SEMA3A: variants seen among roughly 807,000 people sequenced by gnomAD.
SEMA3A encodes the protein semaphorin 3A, also known as semaphorin-3A.
A neutral mutation model predicts 97.9 loss-of-function variants in SEMA3A; 29 were observed. That is an observed-to-expected ratio of 0.30 (90% CI 0.22 to 0.40). SEMA3A has a LOEUF of 0.40. SEMA3A is among the 10% of genes least tolerant of loss of function. The pLI is 1.00. For synonymous variants in SEMA3A, 321 were observed against 323.7 expected, an observed-to-expected ratio of 0.99 and a Z score of 0.09; for missense variants, 763 against 951.3, an observed-to-expected ratio of 0.80 and a Z score of 2.60.
intron 2 of SEMA3A, among the ~76,000 whole-genome samples, chr7:84,351,604 C>T (rs879271616): frequency 2.0e-5 from 3 of 151,714 alleles, no homozygotes; most frequent in Middle Eastern, 3.4e-3. Flanking sequence ...AAATGGTAAA[C>T]GTGTATATGA....
chr7:84,433,077 T>C (rs1480336235), intron 1 of SEMA3A, among the ~76,000 whole-genome samples: 1 of 151,744 alleles, frequency 6.6e-6, no homozygotes, highest in East Asian at 1.9e-4. Context: ...ACTTTATTAT[T>C]ATTATTATTA....
At chr7:84,068,167 G>A (rs12707607) in intron 4 of SEMA3A, among the ~76,000 whole-genome samples, 44,495 of 136,464 alleles carry the variant, frequency 0.33, 7,565 homozygotes, top group East Asian at 0.48. Flanking sequence ...GTAAACTATC[G>A]CAAGAACAAA....
At chr7:84,278,307 C>T (rs1800361081) in intron 3 of SEMA3A, among the ~76,000 whole-genome samples, 1 of 152,088 alleles carries the variant, frequency 6.6e-6, no homozygotes, top group African/African-American at 2.4e-5. Context: ...TCACTATCAG[C>T]ATCTGGGTTA....
chr7:83,979,258 C>T (rs550415274), intron 14 of SEMA3A, among the ~76,000 whole-genome samples: 2 of 151,972 alleles, frequency 1.3e-5, no homozygotes, highest in Admixed American at 6.6e-5. Context: ...CTCAGCCTCC[C>T]AAATAGCTGG....
At chr7:83,971,531 T>C (rs566555416) in intron 15 of SEMA3A, among the ~76,000 whole-genome samples, 1 of 152,276 alleles carries the variant, frequency 6.6e-6, no homozygotes, top group East Asian at 1.9e-4. Flanking sequence ...AGTGATTTTG[T>C]TTACTTTTTG....
intron 3 of SEMA3A, among the ~76,000 whole-genome samples, chr7:84,274,637 T>C (rs1800246463): frequency 6.6e-6 from 1 of 152,096 alleles, no homozygotes; most frequent in Non-Finnish European, 1.5e-5. Flanking sequence ...TCTAAAATTA[T>C]GTAAATGTAC....
At chr7:84,191,097 G>C (rs35276675) in intron 1 of SEMA3A, among the ~76,000 whole-genome samples, 2 of 149,878 alleles carry the variant, frequency 1.3e-5, no homozygotes, top group Admixed American at 6.7e-5. Context: ...TTGAACAAAA[G>C]GTAAAGAACT....
chr7:84,030,550 C>G (rs989318254), intron 6 of SEMA3A, among the ~76,000 whole-genome samples: 1 of 152,072 alleles, frequency 6.6e-6, no homozygotes, highest in Non-Finnish European at 1.5e-5. Context: ...AGAAAATATA[C>G]CAATTCTTCC....
chr7:84,317,177 C>A (rs558684443), intron 2 of SEMA3A, among the ~76,000 whole-genome samples: 1 of 152,124 alleles, frequency 6.6e-6, no homozygotes, highest in Non-Finnish European at 1.5e-5. Flanking sequence ...TATACAGATT[C>A]TTTCCTTGGA....
intron 6 of SEMA3A, among the ~76,000 whole-genome samples, chr7:84,020,035 C>CTTTTTTTTTTTTTTTTTTT (rs781108685): frequency 5.2e-5 from 3 of 58,252 alleles, no homozygotes; most frequent in African/African-American, 6.7e-5. Flanking sequence ...TTTTTTCTTT[C>CTTTTTTTTTTTTTTTTTTT]TTTTTTTTTT....
At chr7:84,393,301 C>T (rs1830488183) in intron 1 of SEMA3A, among the ~76,000 whole-genome samples, 1 of 152,016 alleles carries the variant, frequency 6.6e-6, no homozygotes. Context: ...ATTGAAGAGT[C>T]TTTTTTCCAT....
intron 3 of SEMA3A, among the ~76,000 whole-genome samples, chr7:84,204,963 A>C (rs1798452479): frequency 6.6e-6 from 1 of 152,160 alleles, no homozygotes; most frequent in African/African-American, 2.4e-5. Context: ...GCACAGAAAG[A>C]ATCGTATCTT....
At chr7:84,224,673 A>G (rs1197359927) in intron 3 of SEMA3A, among the ~76,000 whole-genome samples, 1 of 152,046 alleles carries the variant, frequency 6.6e-6, no homozygotes, top group Non-Finnish European at 1.5e-5. Context: ...AGACACCTTG[A>G]GCACCCTTTC....
Position 84,218,122 on chromosome 7 carries a change from A to G in SEMA3A, c.-82-23454T>C, listed in dbSNP as rs1798792126. 3.3e-5 allele frequency among the ~76,000 whole-genome samples: 5 copies of G among 152,214 alleles called. No individual in the cohort carries two copies. The South Asian group carries it at 1.0e-3, about 32-fold the overall frequency. On this transcript the variant is annotated intron_variant, in intron 3 of 3. Transcript: ENST00000424555. The stretch of plus-strand genomic sequence containing the variant: ...CTTGAGAAAAAATCTTAAATGTTAC[A>G]TTTGTATAGTAGAATTTCAGATAAA...
chr7:84,220,628 C>CA (rs1798854290), intron 3 of SEMA3A, among the ~76,000 whole-genome samples: 2 of 152,272 alleles, frequency 1.3e-5, no homozygotes, highest in African/African-American at 4.8e-5. Flanking sequence ...ATGAAAACAA[C>CA]ATTAATCTCC....
At chr7:83,979,944 T>C (rs1399244030) in intron 14 of SEMA3A, among the ~76,000 whole-genome samples, 1 of 152,216 alleles carries the variant, frequency 6.6e-6, no homozygotes, top group Non-Finnish European at 1.5e-5. Flanking sequence ...TATGAAAATC[T>C]ACATTCATAG....
At chr7:84,405,166 C>A (rs1265807378) in intron 1 of SEMA3A, among the ~76,000 whole-genome samples, 1 of 151,888 alleles carries the variant, frequency 6.6e-6, no homozygotes, top group Non-Finnish European at 1.5e-5. Flanking sequence ...GGTGCAGAGA[C>A]ACACATAGGC....
chr7:84,029,259 T>A (rs928000040), intron 6 of SEMA3A, among the ~76,000 whole-genome samples: 2 of 152,244 alleles, frequency 1.3e-5, no homozygotes, highest in African/African-American at 2.4e-5. Flanking sequence ...AATGACTGTT[T>A]AAGAGACAAT....
intron 6 of SEMA3A, among the ~76,000 whole-genome samples, chr7:84,029,438 A>T (rs781720522): frequency 6.6e-6 from 1 of 152,180 alleles, no homozygotes; most frequent in Non-Finnish European, 1.5e-5. Flanking sequence ...TTAAATATGG[A>T]TTCGAAGGAT....
Sources: gnomAD v4.1 joint callset for allele counts (sites outside exome capture counted in the v4.1 genomes callset) on GRCh38, gnomAD v4.1.1 for gene constraint, MANE v1.5 for transcripts, NCBI Gene and HGNC (gene_info 2026-07-23, HGNC 2026-07-21) for gene names.